The following XIAP variants were observed in gnomAD, a reference collection of about 807,000 sequenced individuals.
The protein encoded by XIAP is E3 ubiquitin-protein ligase XIAP.
Under a neutral mutation model 33.1 loss-of-function variants are expected in XIAP, and 3 were observed. That is an observed-to-expected ratio of 0.09 (90% CI 0.04 to 0.23). XIAP has a LOEUF of 0.23. Ranked by LOEUF, XIAP falls within the 10% of genes least tolerant of loss-of-function variation. The pLI is 1.00. For synonymous variants in XIAP, 98 were observed against 121.3 expected (o/e 0.81, Z 1.26); for missense variants, 264 against 363.0 (o/e 0.73, Z 2.22).
At chrX:123,872,326 T>C (rs1402062777) in intron 1 of XIAP, among the ~76,000 whole-genome samples, 2 of 108,982 alleles carry the variant, frequency 1.8e-5, no homozygotes, top group African/African-American at 6.8e-5. Flanking sequence ...CCTTTTTTTT[T>C]TTTCGTCCTT....
intron 1 of XIAP, among the ~76,000 whole-genome samples, chrX:123,881,467 ACT>A (rs1222785771): frequency 9.1e-6 from 1 of 110,279 alleles, no homozygotes; most frequent in Non-Finnish European, 1.9e-5. Context: ...TCACTCTTAA[ACT>A]CTGGTAATTC....
At chrX:123,886,582 C>T (rs1210014688) in intron 2 of XIAP, 43 bp downstream of exon 2, 2 of 1,184,156 alleles carry the variant, frequency 1.7e-6, no homozygotes, top group Admixed American at 2.2e-5. Context: ...CCCAAGTATG[C>T]CAGGGCTCAT....
chrX:123,906,918 TA>T, intron 6 of XIAP, 69 bp from the exon 7 acceptor site: 6 of 1,160,191 alleles, frequency 5.2e-6, no homozygotes, highest in Non-Finnish European at 7.0e-6. Context: ...AGGGGCTCAA[TA>T]AATGTTTTCA....
At chrX:123,903,918 T>C (rs1440243086) in intron 6 of XIAP, among the ~76,000 whole-genome samples, 1 of 108,940 alleles carries the variant, frequency 9.2e-6, no homozygotes, top group African/African-American at 3.3e-5. Flanking sequence ...GCACCACTGC[T>C]CTCCAGCCTG....
chrX:123,901,748 T>A (rs1004121554), intron 6 of XIAP, among the ~76,000 whole-genome samples: 7 of 111,852 alleles, frequency 6.3e-5, no homozygotes, highest in African/African-American at 1.9e-4. Context: ...TCCTTATAGA[T>A]GCATTTATTT....
At chrX:123,875,377 A>G (rs5958326) in intron 1 of XIAP, among the ~76,000 whole-genome samples, 42,327 of 110,051 alleles carry the variant, frequency 0.38, 6,221 homozygotes, top group African/African-American at 0.48. Context: ...ACTAGAATGG[A>G]TGGTTCAAGA....
intron 2 of XIAP, among the ~76,000 whole-genome samples, 199 bp downstream of exon 2, chrX:123,886,738 A>G (rs1256222611): frequency 9.0e-6 from 1 of 111,360 alleles, no homozygotes; most frequent in African/African-American, 3.3e-5. Context: ...AAAGACTACC[A>G]TATTATGAGT....
intron 5 of XIAP, among the ~76,000 whole-genome samples, chrX:123,896,025 G>T (rs2148101630): frequency 9.0e-6 from 1 of 110,718 alleles, no homozygotes; most frequent in East Asian, 2.8e-4. Flanking sequence ...GGCTCCCAAA[G>T]TGCTGGGATT....
intron 1 of XIAP, among the ~76,000 whole-genome samples, chrX:123,864,635 A>AGTGTGTGTGTGTGT (rs748255094): frequency 2.4e-5 from 2 of 84,674 alleles, no homozygotes; most frequent in African/African-American, 8.9e-5. Flanking sequence ...CCCGGCTTAG[A>AGTGTGTGTGTGTGT]GTGTGTGTGT....
At chrX:123,874,281 T>C (rs1364311658) in intron 1 of XIAP, among the ~76,000 whole-genome samples, 2 of 111,990 alleles carry the variant, frequency 1.8e-5, no homozygotes, top group Admixed American at 9.6e-5. Flanking sequence ...ATTTGCTGTA[T>C]AGAATTTAGA....
intron 1 of XIAP, among the ~76,000 whole-genome samples, chrX:123,863,496 G>A (rs1369798363): frequency 9.0e-6 from 1 of 111,357 alleles, no homozygotes; most frequent in Non-Finnish European, 1.9e-5. Flanking sequence ...TAGTGATTAG[G>A]AGTTCAGCTG....
At chrX:123,880,063 G>A (rs1190426161) in intron 1 of XIAP, among the ~76,000 whole-genome samples, 3 of 110,409 alleles carry the variant, frequency 2.7e-5, no homozygotes, top group Non-Finnish European at 5.7e-5. Flanking sequence ...GCAGTGAGCC[G>A]AGATTGCGCC....
Position 123,909,931 on chromosome X carries a change from A to C in XIAP, c.*2750A>C. ...AATTCCGCAAAAATTGATCATTTGCAAAGTCAAAACTATAGCCATATCCAA... is the reference window on the plus strand; with the variant it reads ...AATTCCGCAAAAATTGATCATTTGCCAAGTCAAAACTATAGCCATATCCAA... On this transcript the variant is annotated 3_prime_UTR_variant, in exon 7 of 7. Transcript: ENST00000371199. 3.0e-6 allele frequency: 1 copy of C among 329,786 alleles called. No homozygotes were observed. Among genetic ancestry groups the C allele is most frequent in the Non-Finnish European group, 5.9e-6 (1 of 169,998 alleles). 27.2% of individuals were successfully genotyped at this position (329,786 alleles called of 1,213,427 possible).
chrX:123,875,842 C>T (rs2053239424), intron 1 of XIAP, among the ~76,000 whole-genome samples: 1 of 110,819 alleles, frequency 9.0e-6, no homozygotes. Context: ...TGTGCCACCA[C>T]GCCTGACTAA....
chrX:123,875,984 C>A (rs143502622), intron 1 of XIAP, among the ~76,000 whole-genome samples: 8 of 112,231 alleles, frequency 7.1e-5, no homozygotes, highest in African/African-American at 2.3e-4. Flanking sequence ...CTGCACCCAG[C>A]CTTCTTATAG....
At chrX:123,896,919 C>G (rs1445843591) in intron 5 of XIAP, among the ~76,000 whole-genome samples, 1 of 102,500 alleles carries the variant, frequency 9.8e-6, no homozygotes, top group Non-Finnish European at 2.0e-5. Flanking sequence ...GAAGCATAAA[C>G]GTCTTTAATT....
chrX:123,899,025 G>A (rs1483116571), intron 5 of XIAP, among the ~76,000 whole-genome samples: 1 of 94,832 alleles, frequency 1.1e-5, no homozygotes, highest in Non-Finnish European at 2.0e-5. Context: ...AGAGGCTGAG[G>A]CAAGAGAATT....
chrX:123,879,125 T>A (rs892946937), intron 1 of XIAP: 1 of 110,640 alleles, frequency 9.0e-6, no homozygotes, highest in Non-Finnish European at 1.9e-5. Context: ...ATATAAAAGA[T>A]CCCTGGGATG....
At position 123,909,616 on chromosome X, in the gene XIAP, A is replaced by C; in HGVS notation, c.*2435A>C. 1 of 329,590 alleles carries C rather than the reference A, an allele frequency of 3.0e-6. No individual in the cohort carries two copies. The highest frequency in any genetic ancestry group is 5.9e-6 in the Non-Finnish European group (1 of 170,005). The allele number at this position is 329,590 out of a possible 1,213,427, so 27.2% of individuals were successfully genotyped here. Reference sequence around the variant, plus strand: ...TGTTAGCCAAGGACTCAAGGACTGAATTGTTTTAACATAAGGCTTTTCCTG... The same window carrying C: ...TGTTAGCCAAGGACTCAAGGACTGACTTGTTTTAACATAAGGCTTTTCCTG... On this transcript the variant is annotated 3_prime_UTR_variant, in exon 7 of 7. Transcript: ENST00000371199.
Sources: allele counts gnomAD v4.1 joint callset (sites outside exome capture counted in the v4.1 genomes callset), GRCh38; gene constraint gnomAD v4.1.1; transcripts MANE v1.5; gene names NCBI Gene and HGNC (gene_info 2026-07-23, HGNC 2026-07-21).